The following SCIMP variants were observed in gnomAD, a reference collection of about 807,000 sequenced individuals.
The protein encoded by SCIMP is SLP adaptor and CSK interacting membrane protein.
Under a neutral mutation model 22.0 loss-of-function variants are expected in SCIMP, and 18 were observed. The ratio of observed to expected loss-of-function variants is 0.82; its 90% CI spans 0.56 to 1.21. The LOEUF is 1.21. Among genes scored for constraint, SCIMP ranks in the 50% most tolerant of loss-of-function variants. SCIMP has a pLI of 0.00. For synonymous variants in SCIMP, 53 were observed against 62.2 expected (o/e 0.85, Z 0.70); for missense variants, 155 against 171.2 (o/e 0.91, Z 0.53).
At chr17:5,232,393 T>C (rs2074708022) in intron 1 of SCIMP, among the ~76,000 whole-genome samples, 1 of 151,770 alleles carries the variant, frequency 6.6e-6, no homozygotes. Context: ...CAGTGCAGTA[T>C]AAACAGTATA....
intron 1 of SCIMP, among the ~76,000 whole-genome samples, chr17:5,232,348 A>ATATAAACAGTGCAGTGCAAACAGTGCAG (rs2074704788): frequency 2.9e-5 from 1 of 34,462 alleles, no homozygotes; most frequent in African/African-American, 1.9e-4. Flanking sequence ...AAGGGGTGGA[A>ATATAAACAGTGCAGTGCAAACAGTGCAG]TATAAACAGT....
intron 1 of SCIMP, among the ~76,000 whole-genome samples, chr17:5,233,602 A>G (rs1412514618): frequency 1.3e-5 from 2 of 151,846 alleles, no homozygotes; most frequent in African/African-American, 4.8e-5. Flanking sequence ...TGATCTCTTG[A>G]CCTTGTGATC....
chr17:5,226,888 C>G (rs886612133), intron 1 of SCIMP, among the ~76,000 whole-genome samples: 17 of 152,060 alleles, frequency 1.1e-4, no homozygotes, highest in African/African-American at 4.1e-4. Flanking sequence ...AGAATCACAT[C>G]CTAGTTCCAG....
intron 1 of SCIMP, among the ~76,000 whole-genome samples, chr17:5,229,315 T>C (rs1177345953): frequency 6.6e-6 from 1 of 151,868 alleles, no homozygotes; most frequent in Non-Finnish European, 1.5e-5. Flanking sequence ...AAAGGGCATT[T>C]CCAGGGTGTC....
intron 2 of SCIMP, 35 bp downstream of exon 2, chr17:5,223,298 C>G: frequency 6.2e-7 from 1 of 1,611,658 alleles, no homozygotes; most frequent in African/African-American, 1.3e-5. Flanking sequence ...CCACCTGGCT[C>G]CTCCCTCCAC....
chr17:5,228,345 C>A (rs1439243870), intron 1 of SCIMP, among the ~76,000 whole-genome samples: 49 of 139,292 alleles, frequency 3.5e-4, no homozygotes, highest in African/African-American at 3.7e-4. Flanking sequence ...AATCTTGTCT[C>A]AAAAAAAAAA....
At chr17:5,215,174 C>T in intron 3 of SCIMP, 176 bp from the exon 4 acceptor site, 1 of 541,434 alleles carries the variant, frequency 1.8e-6, no homozygotes, top group Admixed American at 3.2e-5. Flanking sequence ...TAATTGGCAC[C>T]CTAATGAAAC....
intron 1 of SCIMP, 118 bp downstream of exon 1, chr17:5,234,617 C>T: frequency 9.4e-7 from 1 of 1,059,346 alleles, no homozygotes. Flanking sequence ...CCCCAGGCTG[C>T]AATCCCCTGG....
At chr17:5,229,772 A>T (rs1049399223) in intron 1 of SCIMP, among the ~76,000 whole-genome samples, 1 of 151,872 alleles carries the variant, frequency 6.6e-6, no homozygotes, top group Non-Finnish European at 1.5e-5. Context: ...TATTCACATA[A>T]ATGAAGCGCT....
At chr17:5,212,548 G>C (rs1031255995) in intron 4 of SCIMP, among the ~76,000 whole-genome samples, 2 of 152,100 alleles carry the variant, frequency 1.3e-5, no homozygotes, top group African/African-American at 4.8e-5. Flanking sequence ...GCAGGACAAT[G>C]GCATGAACTC....
At chr17:5,218,031 A>ATTTTT (rs934497671) in intron 3 of SCIMP, among the ~76,000 whole-genome samples, 1 of 145,942 alleles carries the variant, frequency 6.9e-6, no homozygotes, top group Non-Finnish European at 1.5e-5. Context: ...TCCCACCAAC[A>ATTTTT]TTTTTTTTTT....
intron 1 of SCIMP, among the ~76,000 whole-genome samples, chr17:5,224,614 G>A (rs901845686): frequency 1.3e-5 from 2 of 151,456 alleles, no homozygotes; most frequent in Admixed American, 1.3e-4. Flanking sequence ...GTGCCACCTC[G>A]CCTGGCTAAT....
At chr17:5,217,315 G>A (rs1302410107) in intron 3 of SCIMP, among the ~76,000 whole-genome samples, 1 of 151,914 alleles carries the variant, frequency 6.6e-6, no homozygotes, top group Non-Finnish European at 1.5e-5. Flanking sequence ...TCCAAATTAG[G>A]AAACTCACTA....
chr17:5,227,422 G>C (rs1443079073), intron 1 of SCIMP, among the ~76,000 whole-genome samples: 5 of 152,060 alleles, frequency 3.3e-5, no homozygotes, highest in Admixed American at 6.6e-5. Flanking sequence ...CACCATGTTG[G>C]CCAGGGTGGT....
intron 1 of SCIMP, 198 bp from the exon 2 acceptor site, chr17:5,223,654 A>AGGAGG: frequency 2.0e-6 from 1 of 512,474 alleles, no homozygotes; most frequent in Admixed American, 3.3e-5. Context: ...GGTTCAAGTG[A>AGGAGG]TTCTCCTGCC....
chr17:5,234,580 C>G, intron 1 of SCIMP, 155 bp downstream of exon 1: 1 of 731,898 alleles, frequency 1.4e-6, no homozygotes, highest in Admixed American at 2.5e-5. Flanking sequence ...AGTTTTTCTC[C>G]AACCCTACAC....
chr17:5,231,341 C>T (rs994046151), intron 1 of SCIMP, among the ~76,000 whole-genome samples: 5 of 148,780 alleles, frequency 3.4e-5, no homozygotes, highest in African/African-American at 7.5e-5. Context: ...GCCTGAGTGA[C>T]GAGAGTGAAA....
chr17:5,227,832 A>T (rs1221244554), intron 1 of SCIMP, among the ~76,000 whole-genome samples: 1 of 151,424 alleles, frequency 6.6e-6, no homozygotes. Context: ...ACCGCATCCC[A>T]AGAAGAACTC....
At chr17:5,230,862 T>C (rs1034553726) in intron 1 of SCIMP, among the ~76,000 whole-genome samples, 2 of 152,118 alleles carry the variant, frequency 1.3e-5, no homozygotes, top group African/African-American at 4.8e-5. Context: ...ATGGCTTGAC[T>C]CTAGGAGATT....
Sources: gnomAD v4.1 joint callset for allele counts (sites outside exome capture counted in the v4.1 genomes callset) on GRCh38, gnomAD v4.1.1 for gene constraint, MANE v1.5 for transcripts, NCBI Gene and HGNC (gene_info 2026-07-23, HGNC 2026-07-21) for gene names.